TRIM40: variants seen among roughly 807,000 people sequenced by gnomAD.
The protein encoded by TRIM40 is tripartite motif containing 40, also known as E3 ubiquitin ligase TRIM40.
TRIM40 carries 27 observed loss-of-function variants against 26.1 expected under a neutral mutation model. The ratio of observed to expected loss-of-function variants is 1.04; its 90% CI spans 0.76 to 1.43. TRIM40 has a LOEUF of 1.43. TRIM40 is among the 40% of genes most tolerant of loss of function. TRIM40 has a pLI of 0.00. For synonymous variants in TRIM40, 114 were observed against 120.0 expected (o/e 0.95, Z 0.33); for missense variants, 289 against 307.9 (o/e 0.94, Z 0.46).
At chr6:30,141,851 A>T (rs1238905381) in intron 2 of TRIM40, among the ~76,000 whole-genome samples, 1 of 152,210 alleles carries the variant, frequency 6.6e-6, no homozygotes, top group Non-Finnish European at 1.5e-5. Flanking sequence ...AAGAGAAACT[A>T]TGTAGGGTTG....
chr6:30,137,432 T>A (rs111889985), intron 2 of TRIM40, 51 bp downstream of exon 2: 51,806 of 1,489,218 alleles, frequency 0.035, 1,230 homozygotes, highest in African/African-American at 0.1. Flanking sequence ...GCTGAGGTGC[T>A]GCATCCTACA....
intron 2 of TRIM40, among the ~76,000 whole-genome samples, chr6:30,143,100 G>C (rs1436829562): frequency 6.6e-6 from 1 of 151,674 alleles, no homozygotes; most frequent in Non-Finnish European, 1.5e-5. Context: ...ATGACTTTTG[G>C]GGGTTTAGTT....
Position 30,147,022 on chromosome 6 carries a change from G to T in TRIM40, c.479G>T (p.Gly160Val). The change falls in exon 4 of 6, where the codon GGG becomes GTG. Residue 160 changes from glycine to valine, a missense_variant. By Grantham distance (109) the Gly-to-Val change is moderately radical. Coordinates refer to ENST00000396581, the MANE Select transcript of TRIM40 (RefSeq NM_001286633.2). ...CACGGGAACCACAGGCTGGAGGCTG[G>T]GCCGGAGAGCCAGCACCAAACCAGG... ...VDHGNHRLEAGPESQHQTREQ... is the reference protein window; with the variant it reads ...VDHGNHRLEAVPESQHQTREQ... The T allele has an allele frequency of 6.2e-7, 1 of 1,610,120 alleles. No individual in the cohort carries two copies.
intron 2 of TRIM40, among the ~76,000 whole-genome samples, chr6:30,142,523 T>A (rs557775992): frequency 3.9e-5 from 6 of 152,338 alleles, no homozygotes; most frequent in African/African-American, 1.2e-4. Context: ...TACATTTTTT[T>A]ATTCTGTTAT....
chr6:30,147,944 A>G lies in TRIM40; in HGVS notation c.*132A>G. The G allele has an allele frequency of 1.4e-6, 1 of 709,694 alleles. No homozygotes were observed. Among genetic ancestry groups the G allele is most frequent in the Non-Finnish European group, 2.5e-6 (1 of 405,798 alleles). The allele number at this position is 709,694 out of a possible 1,614,324, so 44.0% of individuals were successfully genotyped here. A position where few individuals can be genotyped will look rare whatever the true frequency, so the allele number is the denominator to read the frequency against. ...CCTGCCAGCTCCTGAACATGTCACC[A>G]TTTCTTCATGTCCACAGTCATCACC... On this transcript the variant is annotated 3_prime_UTR_variant, in exon 6 of 6. Coordinates refer to ENST00000396581, the MANE Select transcript of TRIM40 (RefSeq NM_001286633.2).
chr6:30,147,200 C>T lies in TRIM40; in HGVS notation c.657C>T (p.Asn219=). 1 of 1,614,256 alleles carries T rather than the reference C, an allele frequency of 6.2e-7. No individual in the cohort carries two copies. Among genetic ancestry groups the T allele is most frequent in the Non-Finnish European group, 8.5e-7 (1 of 1,180,048 alleles). ...LERTAKELDT[N]TLKNAGDLLN... Reference sequence around the variant, plus strand: ...GGACGGCCAAGGAATTAGACACCAACACACTGAAGGTGCATACCCTGAGGC... The same window carrying T: ...GGACGGCCAAGGAATTAGACACCAATACACTGAAGGTGCATACCCTGAGGC... Residue 219 remains asparagine (N), a synonymous_variant, in exon 4 of 6, where the codon AAC becomes AAT. Coordinates refer to ENST00000396581, the MANE Select transcript of TRIM40 (RefSeq NM_001286633.2).
intron 3 of TRIM40, among the ~76,000 whole-genome samples, chr6:30,146,660 C>T (rs1005810108): frequency 6.6e-6 from 1 of 152,064 alleles, no homozygotes; most frequent in Non-Finnish European, 1.5e-5. Context: ...ATCCGCCCGC[C>T]TTGGCCTCCC....
chr6:30,146,524 G>C (rs1317394191), intron 3 of TRIM40, among the ~76,000 whole-genome samples: 1 of 152,020 alleles, frequency 6.6e-6, no homozygotes, highest in African/African-American at 2.4e-5. Flanking sequence ...CCATTCTCCT[G>C]CCTCAGCCTC....
Position 30,137,132 on chromosome 6 carries a change from C to T in TRIM40, c.96C>T (p.Leu32=), listed in dbSNP as rs1771053226. 1.2e-6 allele frequency: 2 copies of T among 1,613,122 alleles called. No homozygotes were observed. The highest frequency in any genetic ancestry group is 1.7e-6 in the Non-Finnish European group (2 of 1,180,044). ...CCGTGAGCACCAACTGCGGACATCTCTTCTGTCGAGTGTGCCTGACACAGC... is the reference window on the plus strand; with the variant it reads ...CCGTGAGCACCAACTGCGGACATCTTTTCTGTCGAGTGTGCCTGACACAGC... ...KEAVSTNCGH[L]FCRVCLTQHV... is the part of the protein sequence containing the mutation. The change falls in exon 2 of 6, where the codon CTC becomes CTT. Residue 32 remains leucine (L), a synonymous_variant. Coordinates refer to ENST00000396581, the MANE Select transcript of TRIM40 (RefSeq NM_001286633.2).
chr6:30,140,547 A>G (rs1771285021), intron 2 of TRIM40, among the ~76,000 whole-genome samples: 1 of 152,050 alleles, frequency 6.6e-6, no homozygotes, highest in Non-Finnish European at 1.5e-5. Context: ...AGGGAGGGGA[A>G]TATCACACAC....
chr6:30,146,847 A>G (rs1771693347), intron 3 of TRIM40, 138 bp from the exon 4 acceptor site: 1 of 808,722 alleles, frequency 1.2e-6, no homozygotes, highest in Non-Finnish European at 2.0e-6. Context: ...TGCTTCTGCT[A>G]TACCTGTGAC....
intron 1 of TRIM40, 53 bp from the exon 2 acceptor site, chr6:30,136,680 A>C: frequency 3.5e-6 from 1 of 282,250 alleles, no homozygotes; most frequent in African/African-American, 2.2e-5. Context: ...ATATTCACTG[A>C]AAGCTGTCAA....
chr6:30,147,427 C>T (rs757260), intron 4 of TRIM40, 93 bp from the exon 5 acceptor site: 137,314 of 1,591,406 alleles, frequency 0.086, 7,035 homozygotes, highest in Non-Finnish European at 0.11. Flanking sequence ...AGGTGGCACC[C>T]CAGAGTGGCC....
chr6:30,142,560 C>A (rs9261493), intron 2 of TRIM40, among the ~76,000 whole-genome samples: 33,510 of 152,026 alleles, frequency 0.22, 4,042 homozygotes, highest in Admixed American at 0.25. Context: ...TTTTGGGCAA[C>A]TTTTTAGAAA....
chr6:30,148,676 T>C lies in TRIM40; in HGVS notation c.*864T>C, dbSNP rs1261713053. On this transcript the variant is annotated 3_prime_UTR_variant, in exon 6 of 6. Transcript: ENST00000396581. ...CTAAGCTGAGGACCCAGTGAAGCTG[T>C]GCCAAAATTTCCCACCCACAGAAAC... 6.6e-6 allele frequency: 1 copy of C among 152,238 alleles called. No individual in the cohort carries two copies. Among genetic ancestry groups the C allele is most frequent in the Non-Finnish European group, 1.5e-5 (1 of 68,054 alleles). The allele number at this position is 152,238 out of a possible 1,614,324, so 9.4% of individuals were successfully genotyped here.
At position 30,148,475 on chromosome 6, in the gene TRIM40, C is replaced by G. The variant is rs1771806213; in HGVS notation, c.*663C>G. The G allele has an allele frequency of 6.6e-6, 1 of 152,266 alleles. No individual in the cohort carries two copies. Among genetic ancestry groups the G allele is most frequent in the Non-Finnish European group, 1.5e-5 (1 of 68,132 alleles). 9.4% of individuals were successfully genotyped at this position (152,266 alleles called of 1,614,324 possible). ...CTTGCTGGCCCACCCTTTTAGAGCC[C>G]CTCCTAGGAGCCAAGAGCAGCTTCC... On this transcript the variant is annotated 3_prime_UTR_variant, in exon 6 of 6. Coordinates refer to ENST00000396581, the MANE Select transcript of TRIM40 (RefSeq NM_001286633.2).
At chr6:30,137,956 A>G (rs1363540047) in intron 2 of TRIM40, among the ~76,000 whole-genome samples, 2 of 152,192 alleles carry the variant, frequency 1.3e-5, no homozygotes, top group Non-Finnish European at 2.9e-5. Flanking sequence ...TATAAAGTCA[A>G]GACTAAAAAT....
Position 30,137,299 on chromosome 6 carries a change from T to G in TRIM40, c.263T>G (p.Leu88Arg), listed in dbSNP as rs1386981175. 6.2e-7 allele frequency: 1 copy of G among 1,613,058 alleles called. No homozygotes were observed. The highest frequency in any genetic ancestry group is 1.3e-5 in the African/African-American group (1 of 75,042). Reference protein sequence around the residue: ...VCRFCEESRLLLCVECLVSPE... With the variant: ...VCRFCEESRLRLCVECLVSPE... ...AGGTTCTGTGAGGAGAGCAGACTTC[T>G]TCTATGTGTGGAATGCCTGGTGTCC... Residue 88 changes from leucine to arginine, a missense_variant, in exon 2 of 6, where the codon CTT becomes CGT. Leu to Arg is a moderately radical substitution (Grantham distance 102, BLOSUM62 -2). Coordinates refer to ENST00000396581, the MANE Select transcript of TRIM40 (RefSeq NM_001286633.2).
chr6:30,146,506 G>A (rs1040531158), intron 3 of TRIM40, among the ~76,000 whole-genome samples: 11 of 152,032 alleles, frequency 7.2e-5, no homozygotes, highest in Non-Finnish European at 1.3e-4. Flanking sequence ...CCGCCTCCCG[G>A]GTTCACGCCA....
Sources: allele counts gnomAD v4.1 joint callset (sites outside exome capture counted in the v4.1 genomes callset), GRCh38; gene constraint gnomAD v4.1.1; transcripts MANE v1.5; gene names NCBI Gene and HGNC (gene_info 2026-07-23, HGNC 2026-07-21).